Variants in LMBR1 observed in about 807,000 individuals in gnomAD.
LMBR1 encodes the protein limb development membrane protein 1, also known as limb region 1 protein homolog.
Under a neutral mutation model 73.9 loss-of-function variants are expected in LMBR1, and 52 were observed. That is an observed-to-expected ratio of 0.70 (90% confidence interval 0.56 to 0.89). The LOEUF is 0.89. Ranked by LOEUF, LMBR1 falls within the 40% of genes least tolerant of loss-of-function variation. LMBR1 has a pLI of 0.00. For missense variants in LMBR1, 539 were observed against 579.8 expected (o/e 0.93, Z 0.72); for synonymous variants, 215 against 209.4 (o/e 1.03, Z -0.23).
chr7:156,678,889 A>G lies in LMBR1; in HGVS notation c.*5189T>C, dbSNP rs1804531509. 6.6e-6 allele frequency: 1 copy of G among 152,168 alleles called. No individual in the cohort carries two copies. Among genetic ancestry groups the G allele is most frequent in the South Asian group, 2.1e-4 (1 of 4,826 alleles). The allele number at this position is 152,168 out of a possible 1,614,324, so 9.4% of individuals were successfully genotyped here. ...GGGGGGAATCATTAAATCACTATCA[A>G]GTCCAGAAAGAGAATTCTTAGCGAA... On this transcript the variant is annotated 3_prime_UTR_variant, in exon 17 of 17. Transcript: ENST00000353442.
chr7:156,699,783 C>CA (rs1408135010), intron 15 of LMBR1, among the ~76,000 whole-genome samples: 2 of 151,906 alleles, frequency 1.3e-5, no homozygotes, highest in African/African-American at 2.4e-5. Context: ...TTTATGCAGC[C>CA]AAAAAACACA....
chr7:156,788,618 GTTTTA>G (rs1485906438), intron 5 of LMBR1, among the ~76,000 whole-genome samples: 2 of 128,600 alleles, frequency 1.6e-5, no homozygotes, highest in African/African-American at 5.9e-5. Flanking sequence ...AACATATCTT[GTTTTA>G]AAGAAAAAAA....
At chr7:156,866,096 T>C (rs975182518) in intron 1 of LMBR1, among the ~76,000 whole-genome samples, 1 of 150,162 alleles carries the variant, frequency 6.7e-6, no homozygotes, top group African/African-American at 2.4e-5. Flanking sequence ...AAACTGAATG[T>C]CAACAAAATT....
chr7:156,892,668 C>A, intron 1 of LMBR1: 1 of 313,140 alleles, frequency 3.2e-6, no homozygotes, highest in Non-Finnish European at 5.8e-6. Flanking sequence ...ACGGAGGGAG[C>A]GCGAGGGGGC....
chr7:156,859,006 C>T (rs577630468), intron 1 of LMBR1, among the ~76,000 whole-genome samples: 2 of 152,228 alleles, frequency 1.3e-5, no homozygotes, highest in East Asian at 3.9e-4. Flanking sequence ...GTAATCCCAG[C>T]ACTTTGGGAG....
intron 7 of LMBR1, among the ~76,000 whole-genome samples, chr7:156,762,488 T>C (rs1823240618): frequency 6.6e-6 from 1 of 152,188 alleles, no homozygotes; most frequent in Non-Finnish European, 1.5e-5. Context: ...TAATAATAAA[T>C]ACTTTTGCTT....
intron 1 of LMBR1, among the ~76,000 whole-genome samples, chr7:156,863,898 C>T (rs971749841): frequency 6.6e-6 from 1 of 151,968 alleles, no homozygotes; most frequent in African/African-American, 2.4e-5. Flanking sequence ...ACCTGTAATC[C>T]CAGCACTTTG....
chr7:156,727,023 CT>C (rs1815914780), intron 12 of LMBR1, among the ~76,000 whole-genome samples: 1 of 152,168 alleles, frequency 6.6e-6, no homozygotes, highest in Non-Finnish European at 1.5e-5. Context: ...TTTCTTTGGT[CT>C]TCTTTATTTC....
rs184645692 is a variant in LMBR1, at chr7:156,833,703, T to C, written c.179+50A>G. 211 of 1,375,946 alleles carry C rather than the reference T, an allele frequency of 1.5e-4. 2 individuals are homozygous for C. The East Asian group carries it at 2.0e-3, about 13-fold the overall frequency. 85.2% of individuals were successfully genotyped at this position (1,375,946 alleles called of 1,614,324 possible). ...AAAAATTAGAATTGGATTTTGAGAA[T>C]TGATGACTTCAGAATCAGAAACAGA... On this transcript the variant is annotated intron_variant, in intron 3 of 16. Transcript: ENST00000353442.
Position 156,684,086 on chromosome 7 carries a change from C to A in LMBR1, c.1465G>T (p.Ala489Ser), listed in dbSNP as rs1302395381. ...GACGCCGTCTGTGCGTCTCACAGTGCTTTCTGATGCCCATTTACAGAAGGC... is the reference window on the plus strand; with the variant it reads ...GACGCCGTCTGTGCGTCTCACAGTGATTTCTGATGCCCATTTACAGAAGGC... ...AKPSVNGHQK[A>S]L Residue 489 changes from alanine to serine, a missense_variant, in exon 17 of 17, where the codon GCA becomes TCA. Around this residue, in one of 3 missense-constraint regions of LMBR1, gnomAD observed 69 missense variants for 68.5 expected, o/e 1.01. Transcript: ENST00000353442. 6.2e-7 allele frequency: 1 copy of A among 1,613,594 alleles called. No individual in the cohort carries two copies. Among genetic ancestry groups the A allele is most frequent in the East Asian group, 2.2e-5 (1 of 44,896 alleles).
At chr7:156,761,804 G>A (rs573777633) in intron 8 of LMBR1, among the ~76,000 whole-genome samples, 86 of 151,798 alleles carry the variant, frequency 5.7e-4, no homozygotes, top group South Asian at 3.7e-3. Flanking sequence ...GTGAAACCCC[G>A]TCTCTACTAA....
At position 156,877,862 on chromosome 7, in the gene LMBR1, G is replaced by A. The variant is rs868567414; in HGVS notation, c.66+15066C>T. ...CGCGCCACTGCACTCCAGCCTGGGCGACAGAGCGAGACTCCACTCAAAAAA... is the reference window on the plus strand; with the variant it reads ...CGCGCCACTGCACTCCAGCCTGGGCAACAGAGCGAGACTCCACTCAAAAAA... On this transcript the variant is annotated intron_variant, in intron 1 of 16. Coordinates refer to ENST00000353442, the MANE Select transcript of LMBR1 (RefSeq NM_022458.4). 1.1e-4 allele frequency among the ~76,000 whole-genome samples: 16 copies of A among 143,982 alleles called. 1 individual carries two copies. Among genetic ancestry groups the A allele is most frequent in the South Asian group, 4.4e-4 (2 of 4,520 alleles). The allele number at this position is 143,982 out of a possible 152,430, so 94.5% of individuals were successfully genotyped here.
At chr7:156,722,554 T>C (rs925851267) in intron 15 of LMBR1, among the ~76,000 whole-genome samples, 1 of 152,174 alleles carries the variant, frequency 6.6e-6, no homozygotes, top group Non-Finnish European at 1.5e-5. Context: ...TTATTTCTTT[T>C]CATCTATTCA....
Position 156,769,301 on chromosome 7 carries a change from C to A in LMBR1, c.424-5506G>T, listed in dbSNP as rs959278681. 2.6e-5 allele frequency among the ~76,000 whole-genome samples: 4 copies of A among 152,160 alleles called. No homozygotes were observed. ...CACCCATAATGCCTTCTGACTGGAG[C>A]TGGGGGCTTACTGCCCTGGTGTCAT... On this transcript the variant is annotated intron_variant, in intron 5 of 16. Transcript: ENST00000353442.
rs370322625 is a variant in LMBR1 at position 156,837,703 on chromosome 7, T to C, written c.67-818A>G. Among the ~76,000 whole-genome samples, 4 of 151,880 alleles carry C rather than the reference T, an allele frequency of 2.6e-5. 1 individual carries two copies. The highest frequency in any genetic ancestry group is 9.6e-5 in the African/African-American group (4 of 41,468). On this transcript the variant is annotated intron_variant, in intron 1 of 16. Transcript: ENST00000353442. The stretch of plus-strand genomic sequence containing the variant: ...ATGTAGGTGGGAAATAATTATTCAA[T>C]AGATATACCCCATATCAAAATAAAA...
chr7:156,778,683 G>C (rs975978315), intron 5 of LMBR1, among the ~76,000 whole-genome samples: 2 of 152,164 alleles, frequency 1.3e-5, no homozygotes, highest in Non-Finnish European at 2.9e-5. Context: ...TCTATAAGCT[G>C]TTATCACTAT....
intron 2 of LMBR1, 115 bp from the exon 3 acceptor site, chr7:156,833,907 ATTTTC>A: frequency 1.5e-6 from 1 of 666,764 alleles, no homozygotes; most frequent in Admixed American, 3.4e-5. Flanking sequence ...AACAGAAACA[ATTTTC>A]AAAAAGCACT....
chr7:156,814,181 T>G (rs919811745), intron 4 of LMBR1, among the ~76,000 whole-genome samples: 1 of 152,198 alleles, frequency 6.6e-6, no homozygotes, highest in African/African-American at 2.4e-5. Context: ...AGCCCTGGGA[T>G]TAAATCCCAG....
chr7:156,777,912 AC>A (rs1212679571), intron 5 of LMBR1, among the ~76,000 whole-genome samples: 3 of 151,702 alleles, frequency 2.0e-5, no homozygotes, highest in African/African-American at 7.3e-5. Context: ...CCCATACCCT[AC>A]CCCCACCATA....
Sources: allele counts gnomAD v4.1 joint callset (sites outside exome capture counted in the v4.1 genomes callset), GRCh38; gene constraint gnomAD v4.1.1; regional missense constraint gnomAD v4.1.1; transcripts MANE v1.5; gene names NCBI Gene and HGNC (gene_info 2026-07-23, HGNC 2026-07-21).